The following RPF1 variants were observed in gnomAD, a reference collection of about 807,000 sequenced individuals.
The protein encoded by RPF1 is ribosome production factor 1 homolog, also known as ribosome production factor 1.
Under a neutral mutation model 41.9 loss-of-function variants are expected in RPF1, and 34 were observed. That is an observed-to-expected ratio of 0.81 (90% CI 0.62 to 1.08). The LOEUF is 1.08. Ranked by LOEUF, RPF1 falls within the 50% of genes least tolerant of loss-of-function variation. The pLI, the probability that RPF1 is intolerant of heterozygous loss-of-function variation, is 0.00. For missense variants in RPF1, 425 were observed against 435.2 expected (o/e 0.98, Z 0.21); for synonymous variants, 140 against 148.9 (o/e 0.94, Z 0.43).
chr1:84,487,140 G>A (rs1275797050), intron 3 of RPF1, among the ~76,000 whole-genome samples: 3 of 152,118 alleles, frequency 2.0e-5, no homozygotes, highest in African/African-American at 7.2e-5. Flanking sequence ...GTACATAAAG[G>A]TTTCCCTAGA....
intron 2 of RPF1, among the ~76,000 whole-genome samples, chr1:84,481,914 A>G (rs1042195256): frequency 5.3e-5 from 8 of 152,234 alleles, no homozygotes; most frequent in African/African-American, 1.9e-4. Flanking sequence ...TTCTTTGAAT[A>G]GTATTAGGTT....
chr1:84,483,982 C>T (rs1681697504), intron 3 of RPF1, among the ~76,000 whole-genome samples: 1 of 152,146 alleles, frequency 6.6e-6, no homozygotes, highest in African/African-American at 2.4e-5. Flanking sequence ...CACATACACA[C>T]ACACAACTTC....
At chr1:84,495,169 C>G (rs533735095) in intron 5 of RPF1, among the ~76,000 whole-genome samples, 15 of 152,206 alleles carry the variant, frequency 9.9e-5, no homozygotes, top group Admixed American at 7.8e-4. Context: ...AAGGACTACT[C>G]TAGGTTAGTC....
chr1:84,496,233 TG>T lies in RPF1; in HGVS notation c.882-10del, dbSNP rs1234462653. ...TCATTCAGACTAATTTAACTCTTTT[TG>T]TCTTTGAAGATACATATTCAGGAGT... On this transcript the variant is annotated splice_polypyrimidine_tract_variant and intron_variant, in intron 7 of 8. Transcript: ENST00000370654. 6.2e-7 allele frequency: 1 copy of T among 1,607,308 alleles called. No homozygotes were observed. Among genetic ancestry groups the T allele is most frequent in the African/African-American group, 1.3e-5 (1 of 74,540 alleles).
Position 84,482,969 on chromosome 1 carries a change from A to G in RPF1, c.340A>G (p.Thr114Ala). Residue 114 changes from threonine to alanine, a missense_variant, in exon 3 of 9, where the codon ACC (threonine) becomes GCC (alanine). By Grantham distance (58) the Thr-to-Ala change is moderately conservative. Coordinates refer to ENST00000370654, the MANE Select transcript of RPF1 (RefSeq NM_025065.7). ...TIDNQRVYDE[T>A]TVDPNDEEVA... Reference sequence around the variant, plus strand: ...TGACAACCAGCGAGTGTATGATGAAACCACAGTAGACCCTAATGATGAAGA... The same window carrying G: ...TGACAACCAGCGAGTGTATGATGAAGCCACAGTAGACCCTAATGATGAAGA... 6.2e-7 allele frequency: 1 copy of G among 1,606,040 alleles called. No homozygotes were observed. The highest frequency in any genetic ancestry group is 8.5e-7 in the Non-Finnish European group (1 of 1,172,684).
At position 84,479,447 on chromosome 1, in the gene RPF1, G is replaced by C; in HGVS notation, c.166G>C (p.Glu56Gln). Residue 56 changes from glutamate (E) to glutamine (Q), a missense_variant, in exon 1 of 9, where the codon GAG becomes CAG. By Grantham distance (29) the Glu-to-Gln change is conservative. Transcript: ENST00000370654. Reference protein sequence around the residue: ...AAFPPGFSISEIKNKQRRHLM... With the variant: ...AAFPPGFSISQIKNKQRRHLM... ...CTTTCCGCCAGGCTTTAGCATTTCGGAGATTAAAAACAAACAGCGGCGACA... is the reference window on the plus strand; with the variant it reads ...CTTTCCGCCAGGCTTTAGCATTTCGCAGATTAAAAACAAACAGCGGCGACA... 1 of 1,614,268 alleles carries C rather than the reference G, an allele frequency of 6.2e-7. No individual in the cohort carries two copies. Among genetic ancestry groups the C allele is most frequent in the African/African-American group, 1.3e-5 (1 of 75,078 alleles).
intron 3 of RPF1, among the ~76,000 whole-genome samples, chr1:84,487,437 G>T (rs927415648): frequency 1.6e-4 from 25 of 152,008 alleles, no homozygotes; most frequent in African/African-American, 6.0e-4. Flanking sequence ...CATGTCTTTT[G>T]CCCAGTTTTC....
intron 5 of RPF1, among the ~76,000 whole-genome samples, chr1:84,491,330 A>C (rs570887324): frequency 6.6e-6 from 1 of 152,344 alleles, no homozygotes; most frequent in East Asian, 1.9e-4. Flanking sequence ...TAAAATTATA[A>C]AGAATTTACA....
Position 84,489,659 on chromosome 1 carries a change from A to G in RPF1, c.393A>G (p.Glu131=). Residue 131 remains glutamate (E), a synonymous_variant, in exon 4 of 9, where the codon GAA becomes GAG. Coordinates refer to ENST00000370654, the MANE Select transcript of RPF1 (RefSeq NM_025065.7). ...EEVAYDEATD[E]FASYFNKQTS... ...TCGCTTATGATGAAGCTACAGATGA[A>G]TTTGCTTCTTACTTCAACAAACAGA... 3.1e-6 allele frequency: 5 copies of G among 1,607,872 alleles called. No individual in the cohort carries two copies. Among genetic ancestry groups the G allele is most frequent in the Non-Finnish European group, 4.3e-6 (5 of 1,174,500 alleles).
Position 84,495,773 on chromosome 1 carries a change from A to AATAC in RPF1, c.700-106_700-103dup, listed in dbSNP as rs1240816992. The AATAC allele has an allele frequency of 2.5e-5, 17 of 687,676 alleles. No homozygotes were observed. In the Middle Eastern group the frequency reaches 7.8e-4, roughly 32 times the overall value. 42.6% of individuals were successfully genotyped at this position (687,676 alleles called of 1,614,324 possible). A position where few individuals can be genotyped will look rare whatever the true frequency, so the allele number is the denominator to read the frequency against. On this transcript the variant is annotated intron_variant, in intron 6 of 8. Coordinates refer to ENST00000370654, the MANE Select transcript of RPF1 (RefSeq NM_025065.7). The stretch of plus-strand genomic sequence containing the variant: ...CATCTGTGGTAGTTTGTCACTAAAA[A>AATAC]ATACATTTTGCAAATTTGTCATGTA...
At chr1:84,489,980 A>G (rs1159320258) in intron 4 of RPF1, among the ~76,000 whole-genome samples, 1 of 152,200 alleles carries the variant, frequency 6.6e-6, no homozygotes, top group African/African-American at 2.4e-5. Flanking sequence ...TATCCTGTTC[A>G]TTACAGGATG....
chr1:84,483,216 A>T (rs933732279), intron 3 of RPF1: 8 of 519,512 alleles, frequency 1.5e-5, no homozygotes, highest in African/African-American at 1.5e-4. Flanking sequence ...GTAAACTTTT[A>T]CATTTGTCAT....
At chr1:84,490,857 A>T (rs572589715) in intron 5 of RPF1, among the ~76,000 whole-genome samples, 1 of 152,186 alleles carries the variant, frequency 6.6e-6, no homozygotes, top group Non-Finnish European at 1.5e-5. Context: ...GGGAGGAAAG[A>T]CTTCCCATAG....
intron 7 of RPF1, 75 bp from the exon 8 acceptor site, chr1:84,496,169 A>G: frequency 6.8e-7 from 1 of 1,475,516 alleles, no homozygotes; most frequent in Admixed American, 2.0e-5. Flanking sequence ...AGATAAAATG[A>G]ATTATCTTTT....
At position 84,497,656 on chromosome 1, in the gene RPF1, AT is replaced by A. The variant is rs1323348513; in HGVS notation, c.*190del. The A allele has an allele frequency of 6.5e-6, 3 of 463,142 alleles. No homozygotes were observed. Among genetic ancestry groups the A allele is most frequent in the African/African-American group, 6.1e-5 (3 of 49,238 alleles). 28.7% of individuals were successfully genotyped at this position (463,142 alleles called of 1,614,324 possible). A position where few individuals can be genotyped will look rare whatever the true frequency, so the allele number is the denominator to read the frequency against. On this transcript the variant is annotated 3_prime_UTR_variant, in exon 9 of 9. Coordinates refer to ENST00000370654, the MANE Select transcript of RPF1 (RefSeq NM_025065.7). ...TATGTAGAAAATACAAATAAAAGTT[AT>A]TTTGATGGCTTAGGTTTCCTTAAAC...
At chr1:84,496,649 A>C (rs539636186) in intron 8 of RPF1, among the ~76,000 whole-genome samples, 3 of 152,170 alleles carry the variant, frequency 2.0e-5, no homozygotes, top group African/African-American at 7.2e-5. Context: ...AGTGGTTCTC[A>C]AAGCGAGACC....
Position 84,482,952 on chromosome 1 carries a change from A to G in RPF1, c.323A>G (p.Gln108Arg). ...PKPVPKTIDN[Q>R]RVYDETTVDP... ...CCTGTACCCAAGACCATTGACAACC[A>G]GCGAGTGTATGATGAAACCACAGTA... Residue 108 changes from glutamine to arginine, a missense_variant, in exon 3 of 9, where the codon CAG becomes CGG. By Grantham distance (43) the Gln-to-Arg change is conservative. Transcript: ENST00000370654. 1.9e-6 allele frequency: 3 copies of G among 1,612,400 alleles called. No homozygotes were observed. Among genetic ancestry groups the G allele is most frequent in the South Asian group, 2.2e-5 (2 of 91,038 alleles).
Position 84,487,287 on chromosome 1 carries a change from C to T in RPF1, c.367-2346C>T, listed in dbSNP as rs187501489. ...GTGGTACAAGAGTAGTGTTCCTGCT[C>T]ATCCACATTCTAACCAACTCATGGT... is the stretch of plus-strand genomic sequence containing the variant. On this transcript the variant is annotated intron_variant, in intron 3 of 8. Transcript: ENST00000370654. Among the ~76,000 whole-genome samples, 11 of 152,316 alleles carry T rather than the reference C, an allele frequency of 7.2e-5. No individual in the cohort carries two copies. The South Asian group carries it at 2.3e-3, about 32-fold the overall frequency.
At position 84,479,399 on chromosome 1, in the gene RPF1, G is replaced by A. The variant is rs747516709; in HGVS notation, c.118G>A (p.Val40Ile). ...TGGGGATGGGGCGACGGAAAACGGGGTCCAACCCCCGAAAGCGGCTGCCTT... is the reference window on the plus strand; with the variant it reads ...TGGGGATGGGGCGACGGAAAACGGGATCCAACCCCCGAAAGCGGCTGCCTT... ...GAGDGATENG[V>I]QPPKAAAFPP... The change falls in exon 1 of 9, where the codon GTC becomes ATC. Residue 40 changes from valine to isoleucine, a missense_variant. Physicochemically the swap from Val to Ile is conservative, Grantham distance 29. Coordinates refer to ENST00000370654, the MANE Select transcript of RPF1 (RefSeq NM_025065.7). 2 of 1,614,230 alleles carry A rather than the reference G, an allele frequency of 1.2e-6. No homozygotes were observed. The highest frequency in any genetic ancestry group is 1.1e-5 in the South Asian group (1 of 91,090).
Sources: gnomAD v4.1 joint callset for allele counts (sites outside exome capture counted in the v4.1 genomes callset) on GRCh38, gnomAD v4.1.1 for gene constraint, MANE v1.5 for transcripts, NCBI Gene and HGNC (gene_info 2026-07-23, HGNC 2026-07-21) for gene names.